Variants in DST observed in about 807,000 individuals in gnomAD.
The protein encoded by DST is dystonin, also known as bullous pemphigoid antigen.
Under a neutral mutation model 875.2 loss-of-function variants are expected in DST, and 253 were observed. That is an observed-to-expected ratio of 0.29 (90% CI 0.26 to 0.32). The LOEUF (loss-of-function observed/expected upper bound fraction) is 0.32, where lower values mean the gene tolerates loss of function less well. DST is among the 10% of genes least tolerant of loss of function. The pLI is 1.00. For synonymous variants in DST, 3,124 were observed against 3,197.1 expected (o/e 0.98, Z 0.77); for missense variants, 8,287 against 9,111.6 (o/e 0.91, Z 3.68).
intron 21 of DST, 42 bp downstream of exon 21, chr6:56,639,408 T>C (rs1470162837): frequency 3.1e-6 from 5 of 1,613,112 alleles, no homozygotes; most frequent in Non-Finnish European, 4.2e-6. Context: ...TATATAAACC[T>C]AAAATGCAAC....
chr6:56,504,669 G>C (rs2096254182), intron 77 of DST, among the ~76,000 whole-genome samples: 1 of 151,994 alleles, frequency 6.6e-6, no homozygotes, highest in South Asian at 2.1e-4. Flanking sequence ...AGTCTAAAAA[G>C]GCTCAAGTCA....
intron 2 of DST, among the ~76,000 whole-genome samples, chr6:56,905,627 C>T (rs970211858): frequency 1.3e-5 from 2 of 150,936 alleles, no homozygotes; most frequent in East Asian, 3.9e-4. Context: ...CCATTGTATG[C>T]ATATATTGCG....
At chr6:56,869,559 G>A (rs1445679405) in intron 3 of DST, among the ~76,000 whole-genome samples, 1 of 151,514 alleles carries the variant, frequency 6.6e-6, no homozygotes, top group Non-Finnish European at 1.5e-5. Flanking sequence ...AAGGACACTT[G>A]CCCATGTCAA....
intron 98 of DST, among the ~76,000 whole-genome samples, chr6:56,468,414 C>T (rs926876657): frequency 5.3e-5 from 8 of 152,122 alleles, no homozygotes; most frequent in African/African-American, 1.9e-4. Flanking sequence ...TACTTAAAGC[C>T]TACTGAGTTA....
chr6:56,938,104 C>CTATATATA (rs1453586100), intron 2 of DST, among the ~76,000 whole-genome samples: 2 of 57,424 alleles, frequency 3.5e-5, no homozygotes, highest in African/African-American at 1.4e-4. Flanking sequence ...CTCTCTCTCT[C>CTATATATA]TCTCTATATA....
At chr6:56,492,044 T>A (rs2095765334) in intron 85 of DST, among the ~76,000 whole-genome samples, 183 bp downstream of exon 85, 1 of 152,168 alleles carries the variant, frequency 6.6e-6, no homozygotes, top group African/African-American at 2.4e-5. Context: ...TGCTGCCAGG[T>A]CAAAAAGTGA....
chr6:56,894,720 C>A (rs1406116866), intron 3 of DST, among the ~76,000 whole-genome samples: 1 of 74,292 alleles, frequency 1.3e-5, no homozygotes, highest in Non-Finnish European at 2.5e-5. Flanking sequence ...ACCCCCCCCA[C>A]CTCCCTCCCG....
At chr6:56,825,502 TAAAA>T (rs749148452) in intron 4 of DST, among the ~76,000 whole-genome samples, 1 of 109,346 alleles carries the variant, frequency 9.1e-6, no homozygotes, top group South Asian at 3.5e-4. Flanking sequence ...CAATAAATAC[TAAAA>T]AAAAAAAAAA....
chr6:56,942,770 C>T (rs1263417496), intron 2 of DST, among the ~76,000 whole-genome samples: 3 of 135,614 alleles, frequency 2.2e-5, no homozygotes, highest in African/African-American at 8.5e-5. Flanking sequence ...GGCTAGAGTG[C>T]AGTGGTATGA....
At chr6:56,541,051 T>C (rs2097117732) in intron 61 of DST, 1 of 152,654 alleles carries the variant, frequency 6.6e-6, no homozygotes, top group East Asian at 1.9e-4. Context: ...TAGTACCCCA[T>C]CTGCACTTGC....
At chr6:56,660,539 G>C (rs1215925232) in intron 10 of DST, among the ~76,000 whole-genome samples, 2 of 148,116 alleles carry the variant, frequency 1.4e-5, no homozygotes, top group African/African-American at 5.0e-5. Context: ...TGACTGTTTC[G>C]ATTAAATCAT....
intron 4 of DST, among the ~76,000 whole-genome samples, chr6:56,759,010 A>C (rs1327261531): frequency 3.3e-5 from 5 of 152,164 alleles, no homozygotes. Context: ...GCCCTGGCTG[A>C]CCTCATGAAG....
chr6:56,632,406 G>T (rs1337138956), intron 28 of DST, among the ~76,000 whole-genome samples: 1 of 151,898 alleles, frequency 6.6e-6, no homozygotes, highest in Non-Finnish European at 1.5e-5. Flanking sequence ...TAATGTTTAA[G>T]ATTTTTAAAA....
At chr6:56,616,179 G>C (rs1190989288) in intron 36 of DST, 1 of 1,614,196 alleles carries the variant, frequency 6.2e-7, no homozygotes, top group Non-Finnish European at 8.5e-7. Flanking sequence ...GAATCAGCAA[G>C]TTCTGTAAGT....
At chr6:56,774,377 C>T (rs2099673676) in intron 4 of DST, among the ~76,000 whole-genome samples, 1 of 152,134 alleles carries the variant, frequency 6.6e-6, no homozygotes, top group South Asian at 2.1e-4. Context: ...CATCCATGCC[C>T]TACCCATAGC....
At chr6:56,838,538 A>G (rs910643196) in intron 4 of DST, among the ~76,000 whole-genome samples, 1 of 152,198 alleles carries the variant, frequency 6.6e-6, no homozygotes, top group Non-Finnish European at 1.5e-5. Context: ...AATTGTTCAA[A>G]TACAAAACAA....
chr6:56,671,881 T>G (rs2099103609), intron 9 of DST, among the ~76,000 whole-genome samples: 1 of 152,226 alleles, frequency 6.6e-6, no homozygotes, highest in African/African-American at 2.4e-5. Flanking sequence ...CTTCTAGACC[T>G]GGTTCCTAGT....
At chr6:56,556,462 A>G (rs1035424443) in intron 59 of DST, among the ~76,000 whole-genome samples, 2 of 152,108 alleles carry the variant, frequency 1.3e-5, no homozygotes, top group South Asian at 2.1e-4. Context: ...ACTTTTATCT[A>G]TATTTTATTT....
intron 53 of DST, 124 bp downstream of exon 53, chr6:56,571,976 A>T (rs1298433631): frequency 5.0e-6 from 2 of 402,616 alleles, no homozygotes; most frequent in African/African-American, 2.1e-5. Flanking sequence ...AAACATCTAT[A>T]AAGTAGCCCT....
Sources: gnomAD v4.1 joint callset for allele counts (sites outside exome capture counted in the v4.1 genomes callset) on GRCh38, gnomAD v4.1.1 for gene constraint, MANE v1.5 for transcripts, NCBI Gene and HGNC (gene_info 2026-07-23, HGNC 2026-07-21) for gene names.